Variants in WDR90 observed in about 807,000 individuals in gnomAD.
The protein encoded by WDR90 is WD repeat domain 90.
A neutral mutation model predicts 195.2 loss-of-function variants in WDR90; 238 were observed. The ratio of observed to expected loss-of-function variants is 1.22; its 90% CI spans 1.10 to 1.36. The LOEUF (loss-of-function observed/expected upper bound fraction) is 1.36, where lower values mean the gene tolerates loss of function less well. WDR90 is among the 40% of genes most tolerant of loss of function. WDR90 has a pLI of 0.00. For synonymous variants in WDR90, 1,265 were observed against 1,052.4 expected (o/e 1.20, Z -3.91); for missense variants, 2,734 against 2,439.5 (o/e 1.12, Z -2.54).
chr16:657,027 C>T lies in WDR90; in HGVS notation c.2343-64C>T, dbSNP rs542663264. ...ATGGCCAGGCTGGTTGGCTGGAGGT[C>T]GAGGGAACCCATGGTACCTGGGCTT... On this transcript the variant is annotated intron_variant, in intron 19 of 40. Transcript: ENST00000293879. 3.1e-4 allele frequency: 494 copies of T among 1,575,822 alleles called. 11 individuals are homozygous for T. The South Asian group carries it at 3.7e-3, about 12-fold the overall frequency.
chr16:652,252 C>A, intron 9 of WDR90: 1 of 796,194 alleles, frequency 1.3e-6, no homozygotes, highest in Non-Finnish European at 1.9e-6. Context: ...CCCAATGCGT[C>A]AGCCCCAGGT....
At chr16:658,477 T>A in intron 22 of WDR90, 48 bp from the exon 23 acceptor site, 1 of 1,587,710 alleles carries the variant, frequency 6.3e-7, no homozygotes, top group South Asian at 1.1e-5. Context: ...CCCAGGCTGC[T>A]GGCCACTCTC....
chr16:660,298 A>T, intron 27 of WDR90, 137 bp downstream of exon 27: 1 of 805,362 alleles, frequency 1.2e-6, no homozygotes, highest in Non-Finnish European at 1.9e-6. Flanking sequence ...TGTCCCCTGG[A>T]GGCAACTTCA....
chr16:665,789 G>A lies in WDR90; in HGVS notation c.4422G>A (p.Gln1474=), dbSNP rs754105238. 1.5e-5 allele frequency: 24 copies of A among 1,592,010 alleles called. No individual in the cohort carries two copies. Among genetic ancestry groups the A allele is most frequent in the Non-Finnish European group, 2.1e-5 (24 of 1,165,586 alleles). The change falls in exon 35 of 41, where the codon CAG becomes CAA. Residue 1474 remains glutamine (Q), a synonymous_variant. Coordinates refer to ENST00000293879, the MANE Select transcript of WDR90 (RefSeq NM_145294.5). The part of the protein sequence containing the change: ...LASMELVIQF[Q]VLNQSCLCLA... ...GCATGGAGCTTGTGATCCAGTTCCA[G>A]GTGCTGAACCAGGTGTGTGGGGAGT...
At chr16:653,956 C>T (rs2037695498) in intron 13 of WDR90, 153 bp downstream of exon 13, 1 of 943,620 alleles carries the variant, frequency 1.1e-6, no homozygotes, top group Non-Finnish European at 1.6e-6. Flanking sequence ...CTCTGGTGTT[C>T]ATGCCGCCCC....
chr16:649,501 G>T (rs2037594206), intron 1 of WDR90, 75 bp downstream of exon 1: 13 of 1,275,244 alleles, frequency 1.0e-5, no homozygotes. Flanking sequence ...CGGCCGGAGC[G>T]CTCAGGGCCC....
rs181106573 is a variant in WDR90 at position 652,190 on chromosome 16, C to T, written c.1053+151C>T. On this transcript the variant is annotated intron_variant, in intron 9 of 40. Coordinates refer to ENST00000293879, the MANE Select transcript of WDR90 (RefSeq NM_145294.5). ...AAGGAGCAGAGCTGGCGGGAGGCGG[C>T]TTTGGGGAAGAATCTCTGTCCACAA... 61 of 988,626 alleles carry T rather than the reference C, an allele frequency of 6.2e-5. No homozygotes were observed. The East Asian group carries it at 1.4e-3, about 23-fold the overall frequency. 61.2% of individuals were successfully genotyped at this position (988,626 alleles called of 1,614,324 possible). A position where few individuals can be genotyped will look rare whatever the true frequency, so the allele number is the denominator to read the frequency against.
intron 34 of WDR90, chr16:663,596 T>G (rs8046298): frequency 0.53 from 88,092 of 164,818 alleles, 27,204 homozygotes; most frequent in East Asian, 0.98. Context: ...GTCAGGTCTG[T>G]TCAGGTTCTG....
chr16:649,275 G>A (rs963949824), upstream of WDR90: 20 of 1,037,434 alleles, frequency 1.9e-5, no homozygotes, highest in Middle Eastern at 7.5e-4. Flanking sequence ...CACCGGGGAG[G>A]TCACGTGGCC....
Position 649,414 on chromosome 16 carries a change from G to C in WDR90, c.-3G>C. 7.6e-7 allele frequency: 1 copy of C among 1,312,316 alleles called. No individual in the cohort carries two copies. The highest frequency in any genetic ancestry group is 2.1e-5 in the South Asian group (1 of 46,548). The allele number at this position is 1,312,316 out of a possible 1,614,324, so 81.3% of individuals were successfully genotyped here. A position where few individuals can be genotyped will look rare whatever the true frequency, so the allele number is the denominator to read the frequency against. The stretch of plus-strand genomic sequence containing the variant: ...CTAGGCGGGAAGCTCGAGCGGCGGC[G>C]CCATGGCCCGAGGTAGCGCGCGGCT... On this transcript the variant is annotated 5_prime_UTR_variant, in exon 1 of 41. Transcript: ENST00000293879.
chr16:662,795 G>A lies in WDR90; in HGVS notation c.4262G>A (p.Ser1421Asn), dbSNP rs1381619935. The change falls in exon 34 of 41, where the codon AGC (serine) becomes AAC (asparagine). Residue 1421 changes from serine (S) to asparagine (N), a missense_variant. Coordinates refer to ENST00000293879, the MANE Select transcript of WDR90 (RefSeq NM_145294.5). ...GTTAGTLWFVSWAEGTSTRLI... is the reference protein window; with the variant it reads ...GTTAGTLWFVNWAEGTSTRLI... ...ACGGCGGGCACGCTGTGGTTTGTCA[G>A]CTGGGCCGAGGGCACCAGCACACGT... 6.2e-7 allele frequency: 1 copy of A among 1,601,926 alleles called. No individual in the cohort carries two copies. Among genetic ancestry groups the A allele is most frequent in the Non-Finnish European group, 8.5e-7 (1 of 1,174,950 alleles).
intron 1 of WDR90, 145 bp from the exon 2 acceptor site, chr16:649,618 C>T (rs1176879999): frequency 1.7e-5 from 19 of 1,145,450 alleles, no homozygotes; most frequent in Non-Finnish European, 1.9e-5. Context: ...CCGGCCTCGT[C>T]CCGCCAGCCT....
At position 656,737 on chromosome 16, in the gene WDR90, C is replaced by A. The variant is rs372511115; in HGVS notation, c.2208C>A (p.Tyr736Ter). 6.2e-7 allele frequency: 1 copy of A among 1,612,748 alleles called. No individual in the cohort carries two copies. Among genetic ancestry groups the A allele is most frequent in the Admixed American group, 1.7e-5 (1 of 59,978 alleles). ...IWDLATLQQL[Y>*]DFTSSEDAPC... Reference sequence around the variant, plus strand: ...GCACGGCCCCTGTCCCACAGCTATACGACTTCACATCATCAGAGGACGCCC... The same window carrying A: ...GCACGGCCCCTGTCCCACAGCTATAAGACTTCACATCATCAGAGGACGCCC... Residue 736 changes from tyrosine (Y) to a stop codon, truncating the protein, a stop_gained, in exon 19 of 41, where the codon TAC becomes TAA. Coordinates refer to ENST00000293879, the MANE Select transcript of WDR90 (RefSeq NM_145294.5). LOFTEE classifies it high-confidence loss of function.
rs968817384 is a variant in WDR90, at chr16:656,832, C to T, written c.2303C>T (p.Ser768Phe). 3 of 1,612,894 alleles carry T rather than the reference C, an allele frequency of 1.9e-6. No homozygotes were observed. The highest frequency in any genetic ancestry group is 4.5e-5 in the East Asian group (2 of 44,902). Residue 768 changes from serine (S) to phenylalanine (F), a missense_variant, in exon 19 of 41, where the codon TCC (serine) becomes TTC (phenylalanine). Physicochemically the swap from Ser to Phe is radical, Grantham distance 155. Coordinates refer to ENST00000293879, the MANE Select transcript of WDR90 (RefSeq NM_145294.5). ...GGCTTTAGCAGTGGGGCCGTGCGCTCCTTCAGCCTGGAGGCCGCTGAGGTC... is the reference window on the plus strand; with the variant it reads ...GGCTTTAGCAGTGGGGCCGTGCGCTTCTTCAGCCTGGAGGCCGCTGAGGTC... ...FCGFSSGAVR[S>F]FSLEAAEVLV...
At chr16:657,255 T>A (rs1418630315) in intron 20 of WDR90, 34 bp downstream of exon 20, 1 of 1,514,736 alleles carries the variant, frequency 6.6e-7, no homozygotes, top group East Asian at 2.5e-5. Flanking sequence ...GGGGGACTCC[T>A]CAGGGCGGGG....
At chr16:660,859 G>A (rs2037881991) in intron 28 of WDR90, 145 bp downstream of exon 28, 1 of 975,068 alleles carries the variant, frequency 1.0e-6, no homozygotes, top group Non-Finnish European at 1.4e-6. Context: ...GCCTCCTGGC[G>A]CTCCAGCCGA....
intron 17 of WDR90, 76 bp downstream of exon 17, chr16:655,965 G>T: frequency 6.8e-7 from 1 of 1,477,474 alleles, no homozygotes; most frequent in Non-Finnish European, 9.1e-7. Context: ...CCCAGTCCCC[G>T]GGGCTCTGCT....
intron 35 of WDR90, 35 bp downstream of exon 35, chr16:665,836 G>C (rs1216656364): frequency 6.4e-7 from 1 of 1,558,792 alleles, no homozygotes; most frequent in Non-Finnish European, 8.7e-7. Flanking sequence ...GGGCGGGATG[G>C]GGGCCTGCTC....
Position 666,228 on chromosome 16 carries a change from G to A in WDR90, c.4618G>A (p.Val1540Ile). The A allele has an allele frequency of 6.2e-7, 1 of 1,612,410 alleles. No individual in the cohort carries two copies. Among genetic ancestry groups the A allele is most frequent in the East Asian group, 2.2e-5 (1 of 44,852 alleles). Residue 1540 changes from valine (V) to isoleucine (I), a missense_variant, in exon 37 of 41, where the codon GTC becomes ATC. By Grantham distance (29) the Val-to-Ile change is conservative. Transcript: ENST00000293879. ...TGACGGCATGGTCCCAGGTCAGACT[G>A]TCCTCTCTGGAGACAAGGATGGGCT... ...TVAFSTDGQT[V>I]LSGDKDGLVA...
Sources: gnomAD v4.1 joint callset for allele counts on GRCh38, gnomAD v4.1.1 for gene constraint, MANE v1.5 for transcripts, NCBI Gene and HGNC (gene_info 2026-07-23, HGNC 2026-07-21) for gene names.